DNAAF11: variants seen among roughly 807,000 people sequenced by gnomAD.
The protein encoded by DNAAF11 is leucine rich repeat containing 6.
Under a neutral mutation model 60.8 loss-of-function variants are expected in DNAAF11, and 45 were observed. The observed-to-expected ratio is 0.74, with a 90% CI of 0.58 to 0.95. DNAAF11 has a LOEUF of 0.95. Among genes scored for constraint, DNAAF11 ranks in the 40% least tolerant of loss-of-function variants. The pLI is 0.00. For missense variants in DNAAF11, 546 were observed against 546.2 expected, an observed-to-expected ratio of 1.00 and a Z score of 0.00; for synonymous variants, 191 against 183.5, an observed-to-expected ratio of 1.04 and a Z score of -0.33.
At chr8:132,636,332 TG>T (rs1586650511) in intron 4 of DNAAF11, among the ~76,000 whole-genome samples, 1 of 152,150 alleles carries the variant, frequency 6.6e-6, no homozygotes, top group Non-Finnish European at 1.5e-5. Flanking sequence ...GCAGTGAATG[TG>T]GGTATAGTGT....
At chr8:132,602,553 ACAGTGTTTTACAGT>A in intron 10 of DNAAF11, among the ~76,000 whole-genome samples, 1 of 151,922 alleles carries the variant, frequency 6.6e-6, no homozygotes, top group East Asian at 1.9e-4. Flanking sequence ...CCAAATTAAA[ACAGTGTTTTACAGT>A]CTGTTTCTAA....
intron 3 of DNAAF11, chr8:132,643,351 C>A: frequency 4.5e-6 from 1 of 221,278 alleles, no homozygotes; most frequent in Non-Finnish European, 9.4e-6. Context: ...CACCACCCAG[C>A]AGAGGTGTAG....
chr8:132,646,005 T>C (rs1010330032), intron 3 of DNAAF11, among the ~76,000 whole-genome samples: 2 of 152,056 alleles, frequency 1.3e-5, no homozygotes, highest in South Asian at 2.1e-4. Context: ...AGATAATCCT[T>C]GAGAAGAGCA....
the DNAAF11 span, among the ~76,000 whole-genome samples, chr8:132,692,850 C>T: frequency 2.6e-5 from 4 of 152,160 alleles, no homozygotes; most frequent in South Asian, 4.1e-4. Context: ...TTGAACCAAT[C>T]GTGTATGATG....
At chr8:132,676,315 T>C (rs769634432), upstream of DNAAF11, among the ~76,000 whole-genome samples, 4 of 152,140 alleles carry the variant, frequency 2.6e-5, no homozygotes, top group Non-Finnish European at 5.9e-5. Context: ...AGGAAGCACA[T>C]CAGCAAGCTC....
At chr8:132,585,897 T>C (rs529297581) in intron 10 of DNAAF11, among the ~76,000 whole-genome samples, 1 of 152,342 alleles carries the variant, frequency 6.6e-6, no homozygotes, top group Non-Finnish European at 1.5e-5. Flanking sequence ...GGTTTAAATA[T>C]GAAAACAACT....
At chr8:132,638,128 A>G (rs780358950) in intron 3 of DNAAF11, 21 bp from the exon 4 acceptor site, 5 of 1,601,884 alleles carry the variant, frequency 3.1e-6, no homozygotes, top group Non-Finnish European at 4.3e-6. Flanking sequence ...AAATAAAGTG[A>G]AAACAAAGCA....
chr8:132,634,777 T>C (rs1367983959), intron 4 of DNAAF11, among the ~76,000 whole-genome samples: 3 of 148,472 alleles, frequency 2.0e-5, no homozygotes, highest in Non-Finnish European at 4.5e-5. Context: ...ATTTATATAG[T>C]ATAATTTATA....
the DNAAF11 span, among the ~76,000 whole-genome samples, chr8:132,682,744 C>A: frequency 2.6e-5 from 4 of 152,124 alleles, no homozygotes; most frequent in Admixed American, 6.5e-5. Flanking sequence ...AGAAAAAATA[C>A]TTATTTGGTT....
chr8:132,675,447 G>T, intron 1 of DNAAF11, 37 bp downstream of exon 1: 2 of 1,555,056 alleles, frequency 1.3e-6, no homozygotes, highest in Middle Eastern at 3.4e-4. Flanking sequence ...CTTCCACAAG[G>T]GGAACGATCG....
chr8:132,605,885 G>A (rs1201365560), intron 10 of DNAAF11, among the ~76,000 whole-genome samples: 2 of 152,136 alleles, frequency 1.3e-5, no homozygotes, highest in East Asian at 3.9e-4. Flanking sequence ...TAGCAAGGAA[G>A]CCAATGTGGC....
intron 10 of DNAAF11, among the ~76,000 whole-genome samples, chr8:132,601,997 T>C (rs1817673460): frequency 6.6e-6 from 1 of 152,078 alleles, no homozygotes. Flanking sequence ...TGTTAGACCT[T>C]CTCACTCTAT....
chr8:132,686,765 G>A, the DNAAF11 span, among the ~76,000 whole-genome samples: 2 of 152,280 alleles, frequency 1.3e-5, no homozygotes, highest in East Asian at 3.9e-4. Context: ...CTACTTTCTT[G>A]CTGACTGTGT....
chr8:132,576,273 T>A (rs1015036231), intron 11 of DNAAF11, among the ~76,000 whole-genome samples: 1 of 152,202 alleles, frequency 6.6e-6, no homozygotes, highest in African/African-American at 2.4e-5. Flanking sequence ...CATTGGCTGC[T>A]CACAATTCAT....
intron 1 of DNAAF11, among the ~76,000 whole-genome samples, chr8:132,667,050 G>A (rs1275761681): frequency 6.6e-6 from 1 of 152,168 alleles, no homozygotes; most frequent in African/African-American, 2.4e-5. Flanking sequence ...AGCACTGAAG[G>A]AATTGGGAGA....
chr8:132,576,934 T>C lies in DNAAF11; in HGVS notation c.1227-4454A>G, dbSNP rs568445334. Reference sequence around the variant, plus strand: ...CTGAAGCTGAGGGTCAGGCTCAGTATTGGGGCAAGCACTGATATTTCGTTT... The same window carrying C: ...CTGAAGCTGAGGGTCAGGCTCAGTACTGGGGCAAGCACTGATATTTCGTTT... On this transcript the variant is annotated intron_variant, in intron 11 of 11. Coordinates refer to ENST00000620350, the MANE Select transcript of DNAAF11 (RefSeq NM_012472.6). Among the ~76,000 whole-genome samples the C allele has an allele frequency of 5.1e-4, 78 of 152,294 alleles. 1 individual carries two copies. The highest frequency in any genetic ancestry group is 9.1e-4 in the Admixed American group (14 of 15,304).
intron 10 of DNAAF11, among the ~76,000 whole-genome samples, chr8:132,606,536 A>G (rs1436809019): frequency 6.6e-6 from 1 of 152,192 alleles, no homozygotes. Context: ...GTGCAGTGGC[A>G]CAATCAATGC....
At chr8:132,628,383 G>A (rs1820486463) in intron 5 of DNAAF11, among the ~76,000 whole-genome samples, 1 of 152,002 alleles carries the variant, frequency 6.6e-6, no homozygotes, top group Admixed American at 6.6e-5. Flanking sequence ...TTGCACTCCA[G>A]CCTGGGTGAC....
At position 132,622,702 on chromosome 8, in the gene DNAAF11, G is replaced by A. The variant is rs2130274483; in HGVS notation, c.837-14C>T. 6.3e-7 allele frequency: 1 copy of A among 1,582,928 alleles called. No individual in the cohort carries two copies. The highest frequency in any genetic ancestry group is 8.7e-7 in the Non-Finnish European group (1 of 1,152,184). ...TTCTTTTTTTCACTTAAGATTGGTG[G>A]TGGATGAGAACAATGGGCAGCATGG... On this transcript the variant is annotated splice_polypyrimidine_tract_variant and intron_variant, in intron 6 of 11. Transcript: ENST00000620350.
Sources: gnomAD v4.1 joint callset for allele counts (sites outside exome capture counted in the v4.1 genomes callset) on GRCh38, gnomAD v4.1.1 for gene constraint, MANE v1.5 for transcripts, NCBI Gene and HGNC (gene_info 2026-07-23, HGNC 2026-07-21) for gene names.